DCLK1: variants seen among roughly 807,000 people sequenced by gnomAD.
The protein encoded by DCLK1 is serine/threonine-protein kinase DCLK1.
In DCLK1, 16 loss-of-function variants were observed where a neutral mutation model predicts 86.2. The observed-to-expected ratio is 0.19, with a 90% CI of 0.13 to 0.28. The LOEUF is 0.28. Ranked by LOEUF, DCLK1 falls within the 10% of genes least tolerant of loss-of-function variation. The pLI, the probability that DCLK1 is intolerant of heterozygous loss-of-function variation, is 1.00. For missense variants in DCLK1, 590 were observed against 940.2 expected, an observed-to-expected ratio of 0.63 and a Z score of 4.87; for synonymous variants, 369 against 370.5, an observed-to-expected ratio of 1.00 and a Z score of 0.05.
At chr13:35,844,321 T>A (rs1354302075) in intron 6 of DCLK1, among the ~76,000 whole-genome samples, 1 of 152,178 alleles carries the variant, frequency 6.6e-6, no homozygotes, top group Non-Finnish European at 1.5e-5. Context: ...ATGGAAACAG[T>A]GGTGTTATGG....
At chr13:36,103,477 T>C (rs891436111) in intron 3 of DCLK1, among the ~76,000 whole-genome samples, 4 of 151,518 alleles carry the variant, frequency 2.6e-5, no homozygotes, top group Admixed American at 1.3e-4. Context: ...TCAATGCGAC[T>C]ATGGGTAATT....
Position 35,793,401 on chromosome 13 carries a change from G to C in DCLK1, c.2023C>G (p.Pro675Ala), listed in dbSNP as rs754979350. 1.3e-5 allele frequency: 21 copies of C among 1,609,156 alleles called. No individual in the cohort carries two copies. Among genetic ancestry groups the C allele is most frequent in the Non-Finnish European group, 1.6e-5 (19 of 1,177,534 alleles). Reference protein sequence around the residue: ...IKKHFNTGPKPNSTAAGVSVI... With the variant: ...IKKHFNTGPKANSTAAGVSVI... ...GAAACTCCAGCTGCTGTGCTATTCG[G>C]CTTGGGGCCTGTGTTGAAATGCTTC... Residue 675 changes from proline to alanine, a missense_variant, in exon 16 of 17, where the codon CCG (proline) becomes GCG (alanine). Pro to Ala is a conservative substitution (Grantham distance 27, BLOSUM62 -1). Around this residue, in one of 6 missense-constraint regions of DCLK1, gnomAD observed 146 missense variants for 190.2 expected, o/e 0.77. Transcript: ENST00000360631.
chr13:36,087,449 T>C (rs995256281), intron 3 of DCLK1, among the ~76,000 whole-genome samples: 1 of 152,202 alleles, frequency 6.6e-6, no homozygotes, highest in African/African-American at 2.4e-5. Context: ...ATGTTGTAAT[T>C]AACAAAGAGT....
In DCLK1 at chr13:35,774,329, C is replaced by T. The variant is rs959582735; in HGVS notation, c.*206G>A. The T allele has an allele frequency of 1.5e-5, 10 of 681,668 alleles. No individual in the cohort carries two copies. The highest frequency in any genetic ancestry group is 4.2e-4 in the Middle Eastern group (1 of 2,398). The allele number at this position is 681,668 out of a possible 1,614,324, so 42.2% of individuals were successfully genotyped here. A position where few individuals can be genotyped will look rare whatever the true frequency, so the allele number is the denominator to read the frequency against. On this transcript the variant is annotated 3_prime_UTR_variant, in exon 17 of 17. Coordinates refer to ENST00000360631, the MANE Select transcript of DCLK1 (RefSeq NM_001330071.2). ...CTTAACCCTTTGAGGACTCTATTAGCAGCAAATTACCATCTTCACAATCAC... is the reference window on the plus strand; with the variant it reads ...CTTAACCCTTTGAGGACTCTATTAGTAGCAAATTACCATCTTCACAATCAC...
chr13:36,076,035 C>T (rs1884200246), intron 3 of DCLK1, among the ~76,000 whole-genome samples: 1 of 152,198 alleles, frequency 6.6e-6, no homozygotes, highest in Admixed American at 6.5e-5. Flanking sequence ...AAAAAAAATG[C>T]TAATTTTGTC....
intron 4 of DCLK1, among the ~76,000 whole-genome samples, chr13:35,880,088 T>C (rs1872799191): frequency 6.6e-6 from 1 of 152,194 alleles, no homozygotes; most frequent in Non-Finnish European, 1.5e-5. Flanking sequence ...CTCTAAACAA[T>C]GCATTCGTAT....
rs776605513 is a variant in DCLK1 at position 35,839,419 on chromosome 13, G to A, written c.1036-243C>T. Among the ~76,000 whole-genome samples, 12 of 152,132 alleles carry A rather than the reference G, an allele frequency of 7.9e-5. No homozygotes were observed. The East Asian group carries it at 9.6e-4, about 12-fold the overall frequency. ...TGGTTATTGTGAACTTGAATGTTCC[G>A]TGACTTCTTATTCCTTTTGCTCAAA... is the stretch of plus-strand genomic sequence containing the variant. On this transcript the variant is annotated intron_variant, in intron 6 of 16. Coordinates refer to ENST00000360631, the MANE Select transcript of DCLK1 (RefSeq NM_001330071.2).
At chr13:36,095,165 CTCTCTT>C (rs1326915372) in intron 3 of DCLK1, among the ~76,000 whole-genome samples, 1 of 142,872 alleles carries the variant, frequency 7.0e-6, no homozygotes, top group Non-Finnish European at 1.5e-5. Flanking sequence ...CTCTATCTCT[CTCTCTT>C]TGTTTTTTTT....
chr13:36,070,730 C>T (rs1195607343), intron 3 of DCLK1, among the ~76,000 whole-genome samples: 2 of 152,128 alleles, frequency 1.3e-5, no homozygotes, highest in African/African-American at 4.8e-5. Flanking sequence ...CAACCTCCGC[C>T]TCCTGGGTTC....
intron 1 of DCLK1, among the ~76,000 whole-genome samples, chr13:36,130,559 C>T (rs1451128144): frequency 6.6e-6 from 1 of 152,142 alleles, no homozygotes; most frequent in Non-Finnish European, 1.5e-5. Context: ...CTAATTTGAA[C>T]ATGAGGCAGC....
Position 36,001,082 on chromosome 13 carries a change from G to A in DCLK1, c.724-53625C>T, listed in dbSNP as rs146318944. On this transcript the variant is annotated intron_variant, in intron 3 of 16. Coordinates refer to ENST00000360631, the MANE Select transcript of DCLK1 (RefSeq NM_001330071.2). Reference sequence around the variant, plus strand: ...TCCTGCCTTAGCCTCCCAAGTAGCTGGGATTAGAGGCATGAGCCACCAAGC... The same window carrying A: ...TCCTGCCTTAGCCTCCCAAGTAGCTAGGATTAGAGGCATGAGCCACCAAGC... Among the ~76,000 whole-genome samples the A allele has an allele frequency of 2.9e-3, 446 of 152,096 alleles. 2 individuals are homozygous for A. Among genetic ancestry groups the A allele is most frequent in the Non-Finnish European group, 5.2e-3 (352 of 68,004 alleles).
intron 6 of DCLK1, among the ~76,000 whole-genome samples, chr13:35,853,026 C>G (rs1299724167): frequency 1.3e-5 from 2 of 152,192 alleles, no homozygotes. Flanking sequence ...CAATGGCGGT[C>G]CCTATAGATT....
intron 16 of DCLK1, among the ~76,000 whole-genome samples, chr13:35,782,017 A>G (rs2086534968): frequency 6.6e-6 from 1 of 152,198 alleles, no homozygotes; most frequent in Non-Finnish European, 1.5e-5. Context: ...AAGACAGGGC[A>G]TGGCTTTTCT....
intron 8 of DCLK1, among the ~76,000 whole-genome samples, chr13:35,833,224 G>A (rs890492774): frequency 5.3e-5 from 8 of 152,006 alleles, no homozygotes; most frequent in African/African-American, 1.9e-4. Context: ...TGGGGAAGAC[G>A]ACCAAGAGCC....
chr13:36,102,981 T>C (rs923191807), intron 3 of DCLK1, among the ~76,000 whole-genome samples: 3 of 152,200 alleles, frequency 2.0e-5, no homozygotes, highest in Non-Finnish European at 4.4e-5. Flanking sequence ...GGGAATGGCT[T>C]GATACGTTTC....
chr13:35,910,891 T>A (rs1029610790), intron 4 of DCLK1, among the ~76,000 whole-genome samples: 1 of 152,164 alleles, frequency 6.6e-6, no homozygotes, highest in Non-Finnish European at 1.5e-5. Flanking sequence ...TGATGCATAA[T>A]TGGCCGATTG....
At chr13:35,797,629 T>C (rs932673905) in intron 15 of DCLK1, among the ~76,000 whole-genome samples, 1 of 152,028 alleles carries the variant, frequency 6.6e-6, no homozygotes, top group Non-Finnish European at 1.5e-5. Flanking sequence ...TGAAATAAGG[T>C]GTCTCAGCTG....
Position 35,770,371 on chromosome 13 carries a change from A to G in DCLK1, c.*4164T>C, listed in dbSNP as rs1212670143. ...CTTTTCATATCTGAATTGTCAAAAA[A>G]TGTTAATTTTGGAAGTGCTTTTAAT... is the stretch of plus-strand genomic sequence containing the variant. On this transcript the variant is annotated 3_prime_UTR_variant, in exon 17 of 17. Transcript: ENST00000360631. The G allele has an allele frequency of 9.2e-5, 14 of 152,336 alleles. No homozygotes were observed. The highest frequency in any genetic ancestry group is 1.6e-4 in the Non-Finnish European group (11 of 68,022). 9.4% of individuals were successfully genotyped at this position (152,336 alleles called of 1,614,324 possible).
At chr13:35,921,434 CTTCAGGT>C (rs1312045320) in intron 4 of DCLK1, among the ~76,000 whole-genome samples, 5 of 152,288 alleles carry the variant, frequency 3.3e-5, no homozygotes, top group African/African-American at 1.2e-4. Flanking sequence ...TCTATCACTC[CTTCAGGT>C]TTCAGCAGAA....
Sources: gnomAD v4.1 joint callset for allele counts (sites outside exome capture counted in the v4.1 genomes callset) on GRCh38, gnomAD v4.1.1 for gene constraint, gnomAD v4.1.1 regional missense constraint, MANE v1.5 for transcripts, NCBI Gene and HGNC (gene_info 2026-07-23, HGNC 2026-07-21) for gene names.